The following SDK2 variants were observed in gnomAD, a reference collection of about 807,000 sequenced individuals.
SDK2 encodes the protein sidekick cell adhesion molecule 2.
In SDK2, 105 loss-of-function variants were observed where a neutral mutation model predicts 253.9. That is an observed-to-expected ratio of 0.41 (90% CI 0.35 to 0.49). The LOEUF (loss-of-function observed/expected upper bound fraction) is 0.49. Ranked by LOEUF, SDK2 falls within the 20% of genes least tolerant of loss-of-function variation. The pLI, the probability that SDK2 is intolerant of heterozygous loss-of-function variation, is 0.06. For missense variants in SDK2, 2,608 were observed against 3,003.0 expected (o/e 0.87, Z 3.07); for synonymous variants, 1,249 against 1,234.9 (o/e 1.01, Z -0.24).
rs557744107 is a variant in SDK2 at position 73,486,683 on chromosome 17, G to A, written c.225-14465C>T. ...TGGAGCCAACAGCCAGCTCCTGAGG[G>A]TCTGGGGTCCTGTACCCAGTGGAGT... On this transcript the variant is annotated intron_variant, in intron 2 of 44. Transcript: ENST00000392650. 1.2e-3 allele frequency among the ~76,000 whole-genome samples: 179 copies of A among 152,082 alleles called. 1 individual carries two copies. Among genetic ancestry groups the A allele is most frequent in the Non-Finnish European group, 6.8e-4 (46 of 67,986 alleles).
rs577244152 is a variant in SDK2, at chr17:73,587,445, C to T, written c.64+56580G>A. 2.0e-4 allele frequency among the ~76,000 whole-genome samples: 30 copies of T among 152,348 alleles called. No individual in the cohort carries two copies. In the South Asian group the frequency reaches 6.0e-3, roughly 31 times the overall value. On this transcript the variant is annotated intron_variant, in intron 1 of 44. Transcript: ENST00000392650. ...GCACGCCTCTGTCCCTGGGTCACTC[C>T]AGCATCACCACCCTACTTAGCAGCT...
intron 11 of SDK2, among the ~76,000 whole-genome samples, chr17:73,430,864 A>G (rs975774854): frequency 6.6e-6 from 1 of 152,238 alleles, no homozygotes; most frequent in Non-Finnish European, 1.5e-5. Flanking sequence ...TGGTCCAGCC[A>G]GGGTAAAAAT....
chr17:73,350,783 T>C lies in SDK2; in HGVS notation c.5766A>G (p.Lys1922=), dbSNP rs147438025. 8.7e-6 allele frequency: 14 copies of C among 1,608,858 alleles called. No homozygotes were observed. Among genetic ancestry groups the C allele is most frequent in the Non-Finnish European group, 1.2e-5 (14 of 1,178,240 alleles). Residue 1922 remains lysine, a synonymous_variant, in exon 42 of 45, where the codon AAA becomes AAG. Coordinates refer to ENST00000392650, the MANE Select transcript of SDK2 (RefSeq NM_001144952.2). ...SSPSQSVPAQ[K]ANPFYEEWWF... is the part of the protein sequence containing the mutation. Reference sequence around the variant, plus strand: ...ACCACTCCTCATAGAAGGGGTTGGCTTTCTGGGCTGGAGCACAGATAGTCA... The same window carrying C: ...ACCACTCCTCATAGAAGGGGTTGGCCTTCTGGGCTGGAGCACAGATAGTCA...
intron 1 of SDK2, among the ~76,000 whole-genome samples, chr17:73,622,061 A>C (rs1034829568): frequency 6.6e-6 from 1 of 152,212 alleles, no homozygotes; most frequent in African/African-American, 2.4e-5. Flanking sequence ...TTCAACAATT[A>C]GACAATTGGT....
intron 26 of SDK2, 129 bp downstream of exon 26, chr17:73,394,080 C>T (rs181774083): frequency 6.5e-5 from 37 of 565,318 alleles, no homozygotes; most frequent in African/African-American, 2.4e-4. Flanking sequence ...TTGGCTAGGA[C>T]GCCAGGCAGA....
chr17:73,438,251 C>T (rs920706754), intron 6 of SDK2, 97 bp from the exon 7 acceptor site: 23 of 1,216,326 alleles, frequency 1.9e-5, no homozygotes, highest in Non-Finnish European at 2.5e-5. Flanking sequence ...GCTTGGGAGC[C>T]GGGCTGCCTG....
In SDK2 at chr17:73,428,213, T is replaced by C. The variant is rs1048688682; in HGVS notation, c.1583+2298A>G. Among the ~76,000 whole-genome samples, 5 of 152,074 alleles carry C rather than the reference T, an allele frequency of 3.3e-5. No homozygotes were observed. The South Asian group carries it at 8.3e-4, about 25-fold the overall frequency. On this transcript the variant is annotated intron_variant, in intron 12 of 44. Coordinates refer to ENST00000392650, the MANE Select transcript of SDK2 (RefSeq NM_001144952.2). ...GGCTCACGCCTGTAATCCTAGCACT[T>C]TGGGAGGCTGAGCTAATTTTTTTTG...
intron 1 of SDK2, among the ~76,000 whole-genome samples, chr17:73,598,601 G>T (rs1464593731): frequency 6.6e-6 from 1 of 152,160 alleles, no homozygotes; most frequent in East Asian, 1.9e-4. Context: ...GTCAGTAAAT[G>T]ACCCTCCAGG....
intron 1 of SDK2, among the ~76,000 whole-genome samples, chr17:73,631,576 A>G (rs545215665): frequency 1.2e-3 from 188 of 152,226 alleles, no homozygotes; most frequent in African/African-American, 4.2e-3. Flanking sequence ...GTGGGCTGCC[A>G]GCCAGGAACC....
intron 40 of SDK2, chr17:73,357,399 C>A (rs2062600592): frequency 6.4e-6 from 1 of 155,262 alleles, no homozygotes; most frequent in Non-Finnish European, 1.4e-5. Flanking sequence ...ATCACCTAAC[C>A]GCGGATCCAT....
intron 1 of SDK2, among the ~76,000 whole-genome samples, chr17:73,582,859 G>C (rs2045554617): frequency 6.6e-6 from 1 of 152,170 alleles, no homozygotes; most frequent in Admixed American, 6.5e-5. Context: ...GTGGTGGTCA[G>C]GACTCACGTC....
At chr17:73,622,796 G>A (rs1021237690) in intron 1 of SDK2, among the ~76,000 whole-genome samples, 1 of 152,248 alleles carries the variant, frequency 6.6e-6, no homozygotes, top group Non-Finnish European at 1.5e-5. Flanking sequence ...GCCTGCATGC[G>A]CATGATTGGG....
intron 36 of SDK2, among the ~76,000 whole-genome samples, chr17:73,374,047 T>C (rs1244362886): frequency 1.4e-5 from 2 of 145,422 alleles, no homozygotes; most frequent in Non-Finnish European, 2.9e-5. Flanking sequence ...GTCATATGTA[T>C]GGTTTGCAAA....
At chr17:73,409,609 A>C (rs1427868568) in intron 18 of SDK2, among the ~76,000 whole-genome samples, 2 of 152,092 alleles carry the variant, frequency 1.3e-5, no homozygotes, top group Non-Finnish European at 2.9e-5. Flanking sequence ...TAGCCCGGGC[A>C]ATAAGAGCAA....
In SDK2 at chr17:73,639,928, G is replaced by A. The variant is rs191161413; in HGVS notation, c.64+4097C>T. Among the ~76,000 whole-genome samples the A allele has an allele frequency of 6.6e-5, 10 of 152,180 alleles. No individual in the cohort carries two copies. The highest frequency in any genetic ancestry group is 4.8e-5 in the African/African-American group (2 of 41,518). Reference sequence around the variant, plus strand: ...AGACGACGGTCCTAGATGACTTTTCGTGTGTCTTTCAAGTCAAATGCAATG... The same window carrying A: ...AGACGACGGTCCTAGATGACTTTTCATGTGTCTTTCAAGTCAAATGCAATG... On this transcript the variant is annotated intron_variant, in intron 1 of 44. Coordinates refer to ENST00000392650, the MANE Select transcript of SDK2 (RefSeq NM_001144952.2). The surrounding 1 kb of genome is among the most constrained non-coding windows in gnomAD (Gnocchi z 4.3).
chr17:73,402,542 T>C (rs1372272686), intron 18 of SDK2, among the ~76,000 whole-genome samples: 3 of 152,336 alleles, frequency 2.0e-5, no homozygotes, highest in South Asian at 2.1e-4. Flanking sequence ...TTTAACTAAG[T>C]GTGGGGTCCT....
intron 27 of SDK2, among the ~76,000 whole-genome samples, chr17:73,392,225 T>C (rs1599517158): frequency 7.2e-6 from 1 of 139,700 alleles, no homozygotes; most frequent in African/African-American, 2.7e-5. Context: ...GGCACTCTTC[T>C]GTGTTGCCGC....
At chr17:73,452,603 G>A (rs1312049280) in intron 4 of SDK2, among the ~76,000 whole-genome samples, 1 of 152,090 alleles carries the variant, frequency 6.6e-6, no homozygotes, top group Non-Finnish European at 1.5e-5. Context: ...TTAGGAAAGG[G>A]ATGATGGGAG....
At chr17:73,375,850 C>T (rs2062774207) in intron 36 of SDK2, among the ~76,000 whole-genome samples, 1 of 141,870 alleles carries the variant, frequency 7.0e-6, no homozygotes, top group African/African-American at 2.6e-5. Flanking sequence ...AACAAGACTC[C>T]ATCTCAGGAA....
Sources: gnomAD v4.1 joint callset for allele counts (sites outside exome capture counted in the v4.1 genomes callset) on GRCh38, gnomAD v4.1.1 for gene constraint, Gnocchi (gnomAD v3.1) non-coding constraint, MANE v1.5 for transcripts, NCBI Gene and HGNC (gene_info 2026-07-23, HGNC 2026-07-21) for gene names.